IBTK: variants seen among roughly 807,000 people sequenced by gnomAD.
The protein encoded by IBTK is BTK-binding protein.
Under a neutral mutation model 154.9 loss-of-function variants are expected in IBTK, and 83 were observed. That is an observed-to-expected ratio of 0.54 (90% CI 0.45 to 0.64). The LOEUF is 0.64. IBTK is among the 30% of genes least tolerant of loss of function. IBTK has a pLI of 0.00. For synonymous variants in IBTK, 515 were observed against 536.1 expected, an observed-to-expected ratio of 0.96 and a Z score of 0.54; for missense variants, 1,332 against 1,584.6, an observed-to-expected ratio of 0.84 and a Z score of 2.71.
At chr6:82,177,302 T>C (rs573268974) in intron 26 of IBTK, among the ~76,000 whole-genome samples, 75 of 152,234 alleles carry the variant, frequency 4.9e-4, no homozygotes, top group Middle Eastern at 3.4e-3. Flanking sequence ...TTCCACCTCC[T>C]GGGTTCAAGC....
At chr6:82,225,030 T>C (rs1435610723) in intron 6 of IBTK, among the ~76,000 whole-genome samples, 2 of 152,040 alleles carry the variant, frequency 1.3e-5, no homozygotes, top group African/African-American at 4.8e-5. Context: ...CTGGGTGCAG[T>C]GGCTCACACC....
At chr6:82,190,071 C>T (rs1408598694) in intron 25 of IBTK, among the ~76,000 whole-genome samples, 2 of 152,238 alleles carry the variant, frequency 1.3e-5, no homozygotes, top group East Asian at 3.9e-4. Flanking sequence ...TCATCCTCTC[C>T]AGTTTTACCC....
Position 82,200,602 on chromosome 6 carries a change from A to G in IBTK, c.2897T>C (p.Met966Thr), listed in dbSNP as rs751186608. ...AACAGCTTACGAATGATTTTGTTCCATATTTATTTCTTCTTTCAAGAAGAT... is the reference window on the plus strand; with the variant it reads ...AACAGCTTACGAATGATTTTGTTCCGTATTTATTTCTTCTTTCAAGAAGAT... ...GDIFLKEEINMEQNHSETMFK... is the reference protein window; with the variant it reads ...GDIFLKEEINTEQNHSETMFK... Residue 966 changes from methionine to threonine, a missense_variant, in exon 20 of 29, where the codon ATG becomes ACG. This residue lies in a region of IBTK where 1,134 missense variants were observed against 1,274.7 expected (regional missense o/e 0.89). Coordinates refer to ENST00000306270, the MANE Select transcript of IBTK (RefSeq NM_015525.4). 1.9e-6 allele frequency: 3 copies of G among 1,568,638 alleles called. No individual in the cohort carries two copies. The highest frequency in any genetic ancestry group is 1.2e-5 in the South Asian group (1 of 84,062).
chr6:82,191,894 A>C lies in IBTK; in HGVS notation c.3339-15T>G, dbSNP rs1262815361. ...GGCTGACAGGACTAAAAGACATAAA[A>C]GGTTACTTTGCAAAGCATTCATTTA... On this transcript the variant is annotated splice_polypyrimidine_tract_variant and intron_variant, in intron 23 of 28. Transcript: ENST00000306270. 1 of 1,534,374 alleles carries C rather than the reference A, an allele frequency of 6.5e-7. No homozygotes were observed. Among genetic ancestry groups the C allele is most frequent in the Non-Finnish European group, 9.0e-7 (1 of 1,115,616 alleles).
Position 82,247,108 on chromosome 6 carries a change from T to G in IBTK, c.-358+454A>C, listed in dbSNP as rs79609544. Among the ~76,000 whole-genome samples, 1,191 of 152,268 alleles carry G rather than the reference T, an allele frequency of 7.8e-3. 19 individuals carry two copies. Among genetic ancestry groups the G allele is most frequent in the African/African-American group, 0.026 (1,091 of 41,552 alleles). On this transcript the variant is annotated intron_variant, in intron 1 of 28. Transcript: ENST00000306270. The stretch of plus-strand genomic sequence containing the variant: ...CAGTTCCTTTTTACATAGCAATCAA[T>G]GTCCACTTATCAGATTTCACGACCT...
chr6:82,221,586 C>T (rs1770102940), intron 8 of IBTK, among the ~76,000 whole-genome samples: 1 of 152,138 alleles, frequency 6.6e-6, no homozygotes, highest in South Asian at 2.1e-4. Context: ...GCTGCTACTC[C>T]AATGACTGTC....
At chr6:82,201,515 A>G (rs377555146) in intron 18 of IBTK, 33 bp from the exon 19 acceptor site, 2 of 1,455,754 alleles carry the variant, frequency 1.4e-6, no homozygotes, top group East Asian at 2.3e-5. Context: ...CTATCTTAAG[A>G]TTCAAGTGAC....
In IBTK at chr6:82,225,438, CAAATGTAAAA is replaced by C. The variant is rs754737992; in HGVS notation, c.825+29_825+38del. On this transcript the variant is annotated intron_variant, in intron 6 of 28. Transcript: ENST00000306270. ...TTTTTTGTTCATACAGGTTTTATTG[CAAATGTAAAA>C]CCTTATTATTTAAAAGAGTAAAGCT... 51 of 1,529,046 alleles carry C rather than the reference CAAATGTAAAA, an allele frequency of 3.3e-5. 2 individuals carry two copies. In the South Asian group the frequency reaches 6.1e-4, roughly 18 times the overall value. 94.7% of individuals were successfully genotyped at this position (1,529,046 alleles called of 1,614,324 possible).
rs188105232 is a variant in IBTK, at chr6:82,224,223, T to C, written c.826-38A>G. On this transcript the variant is annotated intron_variant, in intron 6 of 28. Coordinates refer to ENST00000306270, the MANE Select transcript of IBTK (RefSeq NM_015525.4). The stretch of plus-strand genomic sequence containing the variant: ...AAATAAAACTGCAATTTACTATATA[T>C]TTATGACCTAGTACAATTTTTTAAA... The C allele has an allele frequency of 3.7e-4, 511 of 1,376,744 alleles. 1 individual carries two copies. In the African/African-American group the frequency reaches 6.8e-3, roughly 18 times the overall value. 85.3% of individuals were successfully genotyped at this position (1,376,744 alleles called of 1,614,324 possible). A position where few individuals can be genotyped will look rare whatever the true frequency, so the allele number is the denominator to read the frequency against.
chr6:82,187,495 G>A (rs146384650), intron 25 of IBTK, among the ~76,000 whole-genome samples: 14 of 152,194 alleles, frequency 9.2e-5, no homozygotes, highest in Middle Eastern at 3.4e-3. Flanking sequence ...AATCAGAAAG[G>A]TATAAACCCA....
In IBTK at chr6:82,233,711, GT is replaced by G. The variant is rs375746607; in HGVS notation, c.418+447del. Among the ~76,000 whole-genome samples, 635 of 122,820 alleles carry G rather than the reference GT, an allele frequency of 5.2e-3. 1 individual carries two copies. The highest frequency in any genetic ancestry group is 8.8e-3 in the East Asian group (36 of 4,082). The allele number at this position is 122,820 out of a possible 152,430, so 80.6% of individuals were successfully genotyped here. A position where few individuals can be genotyped will look rare whatever the true frequency, so the allele number is the denominator to read the frequency against. On this transcript the variant is annotated intron_variant, in intron 3 of 28. Transcript: ENST00000306270. ...CACCTTAATGGAATACATTTGTAAA[GT>G]TTTTTTTTTTTTTTTTTTTGAGACG...
chr6:82,173,071 G>A (rs933772778), intron 27 of IBTK: 6 of 222,922 alleles, frequency 2.7e-5, no homozygotes, highest in South Asian at 1.7e-4. Context: ...GCATGATCGC[G>A]GCTCAATGCA....
rs188127107 is a variant in IBTK at position 82,213,566 on chromosome 6, G to C, written c.2204+661C>G. Among the ~76,000 whole-genome samples, 282 of 152,254 alleles carry C rather than the reference G, an allele frequency of 1.9e-3. 1 individual carries two copies. Among genetic ancestry groups the C allele is most frequent in the African/African-American group, 6.5e-3 (269 of 41,542 alleles). On this transcript the variant is annotated intron_variant, in intron 12 of 28. Coordinates refer to ENST00000306270, the MANE Select transcript of IBTK (RefSeq NM_015525.4). ...TTATATTGAGAAACTGAAGTAAGAA[G>C]GATCGCTTGAGCCCAGGAGTTCGAG...
At chr6:82,200,731 T>C (rs1769172444) in intron 19 of IBTK, 23 bp from the exon 20 acceptor site, 1 of 1,471,954 alleles carries the variant, frequency 6.8e-7, no homozygotes, top group Non-Finnish European at 9.1e-7. Flanking sequence ...AGATATCACT[T>C]TTCAAATACA....
chr6:82,173,296 T>C (rs1223359321), intron 27 of IBTK, 71 bp downstream of exon 27: 19 of 1,124,794 alleles, frequency 1.7e-5, no homozygotes, highest in Non-Finnish European at 2.1e-5. Context: ...GCCACTGCAC[T>C]CAGCCTTAAT....
chr6:82,212,731 T>C lies in IBTK; in HGVS notation c.2267A>G (p.Lys756Arg). 6.3e-7 allele frequency: 1 copy of C among 1,596,166 alleles called. No homozygotes were observed. The highest frequency in any genetic ancestry group is 8.6e-7 in the Non-Finnish European group (1 of 1,163,944). Reference sequence around the variant, plus strand: ...CCATTTTTTCTGACTTAGCTTCAGTTTATTACCAGTGTTCTTGGCAATAAC... The same window carrying C: ...CCATTTTTTCTGACTTAGCTTCAGTCTATTACCAGTGTTCTTGGCAATAAC... ...INVIAKNTGN[K>R]LKLSQKKCSF... The change falls in exon 13 of 29, where the codon AAA becomes AGA. Residue 756 changes from lysine to arginine, a missense_variant. Physicochemically the swap from Lys to Arg is conservative, Grantham distance 26. Around this residue, in one of 3 missense-constraint regions of IBTK, gnomAD observed 1,134 missense variants for 1,274.7 expected, o/e 0.89. Coordinates refer to ENST00000306270, the MANE Select transcript of IBTK (RefSeq NM_015525.4).
chr6:82,237,661 G>GTAGTAGTA (rs1554188041), intron 2 of IBTK, among the ~76,000 whole-genome samples: 5,297 of 143,630 alleles, frequency 0.037, 124 homozygotes, highest in South Asian at 0.061. Context: ...AGATAGTAGT[G>GTAGTAGTA]GTAGTAGTAG....
At position 82,218,094 on chromosome 6, in the gene IBTK, C is replaced by A; in HGVS notation, c.1292G>T (p.Arg431Leu). The A allele has an allele frequency of 6.3e-7, 1 of 1,598,080 alleles. No individual in the cohort carries two copies. The highest frequency in any genetic ancestry group is 8.5e-7 in the Non-Finnish European group (1 of 1,173,570). The change falls in exon 10 of 29, where the codon CGA becomes CTA. Residue 431 changes from arginine to leucine, a missense_variant. Physicochemically the swap from Arg to Leu is moderately radical, Grantham distance 102 (BLOSUM62 -2). Coordinates refer to ENST00000306270, the MANE Select transcript of IBTK (RefSeq NM_015525.4). ...RSVNSSLKQC[R>L]WAYPRQVFIS... ...GAAGACCTGACGTGGATAGGCCCAT[C>A]GACACTGCTTCAGAGAACTGTTGAC...
chr6:82,193,938 T>A (rs1355040784), intron 23 of IBTK, among the ~76,000 whole-genome samples: 2 of 152,082 alleles, frequency 1.3e-5, no homozygotes, highest in African/African-American at 4.8e-5. Context: ...CACCTCAGCC[T>A]CCCAAAGTGC....
Sources: gnomAD v4.1 joint callset for allele counts (sites outside exome capture counted in the v4.1 genomes callset) on GRCh38, gnomAD v4.1.1 for gene constraint, gnomAD v4.1.1 regional missense constraint, MANE v1.5 for transcripts, NCBI Gene and HGNC (gene_info 2026-07-23, HGNC 2026-07-21) for gene names.